Variants in JMY observed in about 807,000 individuals in gnomAD.
The protein encoded by JMY is junction-mediating and -regulatory protein.
Under a neutral mutation model 103.3 loss-of-function variants are expected in JMY, and 46 were observed. The ratio of observed to expected loss-of-function variants is 0.45; its 90% confidence interval spans 0.35 to 0.57. JMY has a LOEUF of 0.57. Ranked by LOEUF, JMY falls within the 20% of genes least tolerant of loss-of-function variation. The pLI, the probability that JMY is intolerant of heterozygous loss-of-function variation, is 0.00. For synonymous variants in JMY, 526 were observed against 489.3 expected (o/e 1.07, Z -0.99); for missense variants, 1,238 against 1,255.2 (o/e 0.99, Z 0.21).
chr5:79,237,510 A>T lies in JMY; in HGVS notation c.860A>T (p.Tyr287Phe). The T allele has an allele frequency of 6.2e-7, 1 of 1,613,566 alleles. No homozygotes were observed. ...GAGCAGGAAATCGACACTCTGTGTTACCAGCTCCAGGTCTACCTGGGCCAC... is the reference window on the plus strand; with the variant it reads ...GAGCAGGAAATCGACACTCTGTGTTTCCAGCTCCAGGTCTACCTGGGCCAC... Reference protein sequence around the residue: ...MTEQEIDTLCYQLQVYLGHGL... With the variant: ...MTEQEIDTLCFQLQVYLGHGL... The change falls in exon 1 of 11, where the codon TAC (tyrosine) becomes TTC (phenylalanine). Residue 287 changes from tyrosine to phenylalanine, a missense_variant. Tyr to Phe is a conservative substitution (Grantham distance 22). Coordinates refer to ENST00000396137, the MANE Select transcript of JMY (RefSeq NM_152405.5).
At chr5:79,308,142 T>G (rs574775617) in intron 7 of JMY, among the ~76,000 whole-genome samples, 85 of 152,320 alleles carry the variant, frequency 5.6e-4, no homozygotes, top group Admixed American at 3.8e-3. Context: ...TCCCTTTGTT[T>G]TGCAAATATT....
At chr5:79,301,823 A>G (rs983374849) in intron 6 of JMY, among the ~76,000 whole-genome samples, 11 of 152,180 alleles carry the variant, frequency 7.2e-5, no homozygotes, top group African/African-American at 2.4e-4. Flanking sequence ...GCGGTGGCTC[A>G]TGCCTGTAAT....
intron 2 of JMY, among the ~76,000 whole-genome samples, chr5:79,289,491 G>A (rs890204170): frequency 1.3e-5 from 2 of 151,962 alleles, no homozygotes; most frequent in Non-Finnish European, 2.9e-5. Context: ...TGCAGTTCTT[G>A]ATTGTACCTT....
chr5:79,237,588 C>T lies in JMY; in HGVS notation c.938C>T (p.Thr313Ile). Residue 313 changes from threonine to isoleucine, a missense_variant, in exon 1 of 11, where the codon ACC becomes ATC. Transcript: ENST00000396137. ...KILSQVLFTE[T>I]DDPEEYYESL... The stretch of plus-strand genomic sequence containing the variant: ...CTCTCCCAGGTGCTCTTCACCGAGA[C>T]CGATGATCCCGAGGAGTATTACGAA... The T allele has an allele frequency of 6.2e-7, 1 of 1,613,706 alleles. No individual in the cohort carries two copies. Among genetic ancestry groups the T allele is most frequent in the Non-Finnish European group, 8.5e-7 (1 of 1,180,016 alleles).
At chr5:79,248,408 G>A (rs1178772250) in intron 1 of JMY, among the ~76,000 whole-genome samples, 1 of 151,978 alleles carries the variant, frequency 6.6e-6, no homozygotes, top group Admixed American at 6.6e-5. Context: ...CCAGGTGCAA[G>A]CAATTCTCCT....
At chr5:79,318,759 TATAGAGAGAGAG>T (rs1167467710) in intron 10 of JMY, among the ~76,000 whole-genome samples, 2 of 20,572 alleles carry the variant, frequency 9.7e-5, no homozygotes, top group African/African-American at 3.9e-4. Context: ...TATATATATA[TATAGAGAGAGAG>T]AGAGAGAGAG....
rs374070026 is a variant in JMY, at chr5:79,237,595, T to C, written c.945T>C (p.Asp315=). Residue 315 remains aspartate (D), a synonymous_variant, in exon 1 of 11, where the codon GAT becomes GAC. Coordinates refer to ENST00000396137, the MANE Select transcript of JMY (RefSeq NM_152405.5). The part of the protein sequence containing the change: ...LSQVLFTETD[D]PEEYYESLSE... ...AGGTGCTCTTCACCGAGACCGATGA[T>C]CCCGAGGAGTATTACGAAAGCCTCA... is the stretch of plus-strand genomic sequence containing the variant. 2.1e-4 allele frequency: 340 copies of C among 1,613,350 alleles called. No individual in the cohort carries two copies. The highest frequency in any genetic ancestry group is 2.7e-4 in the Non-Finnish European group (314 of 1,179,920).
chr5:79,256,714 C>G (rs115445100), intron 1 of JMY, among the ~76,000 whole-genome samples: 2,349 of 152,170 alleles, frequency 0.015, 63 homozygotes, highest in African/African-American at 0.054. Context: ...TTCTTTCTTT[C>G]TTTTCTGCAC....
intron 7 of JMY, among the ~76,000 whole-genome samples, chr5:79,306,937 C>T (rs1746902403): frequency 1.3e-5 from 2 of 152,302 alleles, no homozygotes; most frequent in Admixed American, 6.5e-5. Flanking sequence ...TCTCCCCAAG[C>T]CCCTAGCAAA....
At chr5:79,256,417 G>A (rs1324215938) in intron 1 of JMY, among the ~76,000 whole-genome samples, 1 of 152,016 alleles carries the variant, frequency 6.6e-6, no homozygotes, top group East Asian at 1.9e-4. Flanking sequence ...CCCACTTGGT[G>A]TTCTACCCCA....
In JMY at chr5:79,236,454, C is replaced by T; in HGVS notation, c.-197C>T. ...TGCTCCCGGGACGCTTATTGTCCTT[C>T]TCTCGATCCGCGCCACAAAGGAGCT... On this transcript the variant is annotated 5_prime_UTR_variant, in exon 1 of 11. Transcript: ENST00000396137. 2.4e-6 allele frequency: 1 copy of T among 420,986 alleles called. No homozygotes were observed. The highest frequency in any genetic ancestry group is 4.1e-6 in the Non-Finnish European group (1 of 243,380). 26.1% of individuals were successfully genotyped at this position (420,986 alleles called of 1,614,324 possible). A position where few individuals can be genotyped will look rare whatever the true frequency, so the allele number is the denominator to read the frequency against.
chr5:79,253,130 A>G (rs1290613541), intron 1 of JMY, among the ~76,000 whole-genome samples: 3 of 152,138 alleles, frequency 2.0e-5, no homozygotes, highest in African/African-American at 7.2e-5. Flanking sequence ...ATACTATCTC[A>G]TGACCCAGTA....
intron 2 of JMY, among the ~76,000 whole-genome samples, chr5:79,289,174 G>A (rs1296965397): frequency 1.3e-5 from 2 of 149,304 alleles, no homozygotes; most frequent in African/African-American, 2.5e-5. Flanking sequence ...GGCGGAGGTT[G>A]CAGCAAGCCA....
At chr5:79,306,751 T>C (rs1316933139) in intron 7 of JMY, among the ~76,000 whole-genome samples, 2 of 152,126 alleles carry the variant, frequency 1.3e-5, no homozygotes, top group Non-Finnish European at 2.9e-5. Context: ...TTAAAATCAG[T>C]GAAACATTGA....
At chr5:79,273,396 T>C (rs1470205421) in intron 1 of JMY, among the ~76,000 whole-genome samples, 1 of 152,256 alleles carries the variant, frequency 6.6e-6, no homozygotes, top group East Asian at 1.9e-4. Flanking sequence ...TTCATAGGTG[T>C]ACTTGTTCCT....
At chr5:79,295,419 A>G (rs1198143405) in intron 4 of JMY, among the ~76,000 whole-genome samples, 1 of 152,224 alleles carries the variant, frequency 6.6e-6, no homozygotes, top group Non-Finnish European at 1.5e-5. Flanking sequence ...TGTAAATATT[A>G]TATACCTTCT....
chr5:79,291,498 A>G (rs191410938), intron 4 of JMY, among the ~76,000 whole-genome samples, 199 bp downstream of exon 4: 1 of 152,312 alleles, frequency 6.6e-6, no homozygotes, highest in East Asian at 1.9e-4. Flanking sequence ...TCACAGTGTG[A>G]TGGTTGGCAG....
At chr5:79,259,654 A>G (rs1456333858) in intron 1 of JMY, among the ~76,000 whole-genome samples, 1 of 152,220 alleles carries the variant, frequency 6.6e-6, no homozygotes, top group Non-Finnish European at 1.5e-5. Context: ...AGCAGGCTGA[A>G]GTGGCAGGGG....
chr5:79,246,168 T>A (rs1458525645), intron 1 of JMY, among the ~76,000 whole-genome samples: 1 of 152,190 alleles, frequency 6.6e-6, no homozygotes, highest in Non-Finnish European at 1.5e-5. Context: ...GTATTAAAAC[T>A]GCTTTTCCGA....
Sources: gnomAD v4.1 joint callset for allele counts (sites outside exome capture counted in the v4.1 genomes callset) on GRCh38, gnomAD v4.1.1 for gene constraint, MANE v1.5 for transcripts, NCBI Gene and HGNC (gene_info 2026-07-23, HGNC 2026-07-21) for gene names.